The following TIAM2 variants were observed in gnomAD, a reference collection of about 807,000 sequenced individuals.
The protein encoded by TIAM2 is rho guanine nucleotide exchange factor TIAM2.
TIAM2 carries 80 observed loss-of-function variants against 152.9 expected under a neutral mutation model. That is an observed-to-expected ratio of 0.52 (90% CI 0.44 to 0.63). TIAM2 has a LOEUF of 0.63. Ranked by LOEUF, TIAM2 falls within the 30% of genes least tolerant of loss-of-function variation. TIAM2 has a pLI of 0.00. For synonymous variants in TIAM2, 804 were observed against 838.0 expected (o/e 0.96, Z 0.70); for missense variants, 1,965 against 2,120.1 (o/e 0.93, Z 1.44).
intron 1 of TIAM2, among the ~76,000 whole-genome samples, chr6:155,045,840 C>CTTTTT (rs11354850): frequency 8.0e-4 from 48 of 60,366 alleles, no homozygotes; most frequent in South Asian, 1.6e-3. Flanking sequence ...ATAGTGCCCT[C>CTTTTT]TTTTTTTTTT....
intron 15 of TIAM2, among the ~76,000 whole-genome samples, chr6:155,236,964 A>G (rs978030143): frequency 2.0e-5 from 3 of 152,178 alleles, no homozygotes; most frequent in Non-Finnish European, 2.9e-5. Context: ...TTGAAAACCA[A>G]TCATGCCTTC....
At chr6:155,081,176 A>G (rs1778053970) in intron 1 of TIAM2, among the ~76,000 whole-genome samples, 2 of 152,230 alleles carry the variant, frequency 1.3e-5, no homozygotes, top group Non-Finnish European at 2.9e-5. Context: ...AGCCTATAGC[A>G]TTAGAGCCTT....
chr6:155,093,314 CCTT>C (rs1664525150), intron 2 of TIAM2, among the ~76,000 whole-genome samples: 1 of 152,190 alleles, frequency 6.6e-6, no homozygotes, highest in African/African-American at 2.4e-5. Flanking sequence ...TCCTGAGTGT[CCTT>C]CTGTCCCTTT....
intron 23 of TIAM2, among the ~76,000 whole-genome samples, chr6:155,252,747 A>G (rs542036067): frequency 1.3e-5 from 2 of 152,338 alleles, no homozygotes; most frequent in African/African-American, 4.8e-5. Flanking sequence ...TCTGAACCAC[A>G]ACTCTGCCTC....
At chr6:155,115,920 T>A (rs140516012) in intron 2 of TIAM2, among the ~76,000 whole-genome samples, 3,235 of 152,304 alleles carry the variant, frequency 0.021, 147 homozygotes, top group Admixed American at 0.12. Flanking sequence ...GAGACCAGCC[T>A]GGCCAACATG....
At chr6:155,123,449 A>G (rs1346237079) in intron 2 of TIAM2, among the ~76,000 whole-genome samples, 1 of 152,174 alleles carries the variant, frequency 6.6e-6, no homozygotes, top group Non-Finnish European at 1.5e-5. Flanking sequence ...GTGTCTATTG[A>G]GTGCTTATAT....
At chr6:155,182,086 T>C in intron 12 of TIAM2, 140 bp from the exon 13 acceptor site, 5 of 671,858 alleles carry the variant, frequency 7.4e-6, no homozygotes, top group Non-Finnish European at 1.3e-5. Context: ...ATATTTATAC[T>C]TTCAAAATAG....
intron 1 of TIAM2, among the ~76,000 whole-genome samples, chr6:155,012,424 G>A (rs1778505066): frequency 6.6e-6 from 1 of 151,512 alleles, no homozygotes; most frequent in Non-Finnish European, 1.5e-5. Context: ...GGTGGAGTGA[G>A]GTTTAAAAAC....
At chr6:155,119,875 C>A in intron 2 of TIAM2, among the ~76,000 whole-genome samples, 1 of 152,214 alleles carries the variant, frequency 6.6e-6, no homozygotes, top group South Asian at 2.1e-4. Context: ...TTTACTCTTA[C>A]TGGGATTCAC....
chr6:155,045,137 G>C (rs995176631), intron 1 of TIAM2, among the ~76,000 whole-genome samples: 5 of 145,522 alleles, frequency 3.4e-5, no homozygotes, highest in African/African-American at 1.3e-4. Context: ...TGCAGCCTCT[G>C]CCCACTGCAA....
intron 15 of TIAM2, among the ~76,000 whole-genome samples, chr6:155,219,014 TCTCAGCCGC>T: frequency 2.3e-5 from 1 of 43,062 alleles, no homozygotes; most frequent in African/African-American, 6.7e-5. Context: ...TTCTTGACCA[TCTCAGCCGC>T]CCACCCGTGT....
rs1190361898 is a variant in TIAM2, at chr6:155,165,417, T to C, written c.2361+8T>C. ...AGACCTTCTATAACTCAGGTGAGCT[T>C]TTCAGCATGGGAACAGCAGACTAGA... On this transcript the variant is annotated splice_region_variant and intron_variant, in intron 9 of 26. Coordinates refer to ENST00000682666, the MANE Select transcript of TIAM2 (RefSeq NM_012454.4). 5 of 1,608,322 alleles carry C rather than the reference T, an allele frequency of 3.1e-6. No individual in the cohort carries two copies. Among genetic ancestry groups the C allele is most frequent in the Middle Eastern group, 1.7e-4 (1 of 6,030 alleles).
At chr6:155,145,386 G>A (rs1779798431) in intron 6 of TIAM2, among the ~76,000 whole-genome samples, 1 of 152,146 alleles carries the variant, frequency 6.6e-6, no homozygotes, top group African/African-American at 2.4e-5. Context: ...TGGCACCTTT[G>A]TTAGCGTTGA....
At chr6:155,042,627 T>C (rs1777074730) in intron 1 of TIAM2, among the ~76,000 whole-genome samples, 1 of 152,152 alleles carries the variant, frequency 6.6e-6, no homozygotes, top group African/African-American at 2.4e-5. Context: ...GATCCATTGG[T>C]CAATCCATTC....
intron 14 of TIAM2, among the ~76,000 whole-genome samples, chr6:155,207,095 T>C (rs1781615918): frequency 6.6e-6 from 1 of 152,174 alleles, no homozygotes; most frequent in South Asian, 2.1e-4. Flanking sequence ...CAGGATATAC[T>C]TACTCCCTTT....
intron 15 of TIAM2, among the ~76,000 whole-genome samples, chr6:155,223,150 C>T (rs1206365438): frequency 1.3e-5 from 2 of 152,066 alleles, no homozygotes; most frequent in Non-Finnish European, 2.9e-5. Context: ...AGGGAGCTCC[C>T]CAGTCTTACG....
intron 1 of TIAM2, among the ~76,000 whole-genome samples, chr6:155,052,848 A>AC (rs1245049159): frequency 3.3e-5 from 5 of 151,992 alleles, no homozygotes; most frequent in South Asian, 2.1e-4. Flanking sequence ...CTGCAATGTG[A>AC]TTAGCCATAC....
chr6:155,164,127 T>G (rs917517401), intron 7 of TIAM2, among the ~76,000 whole-genome samples: 3 of 94,822 alleles, frequency 3.2e-5, no homozygotes, highest in African/African-American at 1.1e-4. Context: ...ACCAGCTAAT[T>G]TTTGTGTTTT....
intron 14 of TIAM2, among the ~76,000 whole-genome samples, chr6:155,201,724 C>A (rs1781475081): frequency 6.6e-6 from 1 of 152,184 alleles, no homozygotes; most frequent in African/African-American, 2.4e-5. Flanking sequence ...GAACATCTGC[C>A]ATGTTCCTTT....
Sources: gnomAD v4.1 joint callset for allele counts (sites outside exome capture counted in the v4.1 genomes callset) on GRCh38, gnomAD v4.1.1 for gene constraint, MANE v1.5 for transcripts, NCBI Gene and HGNC (gene_info 2026-07-23, HGNC 2026-07-21) for gene names.